The following FCHO2 variants were observed in gnomAD, a reference collection of about 807,000 sequenced individuals.
The protein encoded by FCHO2 is FCH and mu domain containing endocytic adaptor 2.
A neutral mutation model predicts 114.1 loss-of-function variants in FCHO2; 43 were observed. The ratio of observed to expected loss-of-function variants is 0.38; its 90% CI spans 0.30 to 0.49. FCHO2 has a LOEUF of 0.49. Ranked by LOEUF, FCHO2 falls within the 20% of genes least tolerant of loss-of-function variation. The pLI is 0.97. For missense variants in FCHO2, 807 were observed against 950.4 expected, an observed-to-expected ratio of 0.85 and a Z score of 1.98; for synonymous variants, 293 against 315.2, an observed-to-expected ratio of 0.93 and a Z score of 0.75.
At chr5:73,043,202 G>T (rs553252221) in intron 11 of FCHO2, among the ~76,000 whole-genome samples, 2 of 152,136 alleles carry the variant, frequency 1.3e-5, no homozygotes, top group African/African-American at 4.8e-5. Context: ...AGAGTGCTGG[G>T]ATTACAGGTG....
chr5:73,017,280 G>C lies in FCHO2; in HGVS notation c.768G>C (p.Glu256Asp). 1.3e-6 allele frequency: 2 copies of C among 1,565,918 alleles called. No individual in the cohort carries two copies. The highest frequency in any genetic ancestry group is 2.4e-5 in the South Asian group (2 of 84,236). Residue 256 changes from glutamate (E) to aspartate (D), a missense_variant, in exon 8 of 26, where the codon GAG becomes GAC. Glu to Asp is a conservative substitution (Grantham distance 45). Coordinates refer to ENST00000430046, the MANE Select transcript of FCHO2 (RefSeq NM_138782.3). ...AAAGTTTGATACAAAAATTTGCTGA[G>C]TCAAAAGGCACTGGGAAGGAAAGAC... ...TVESLIQKFA[E>D]SKGTGKERPG... is the part of the protein sequence containing the mutation.
At chr5:73,037,320 GTA>G (rs2112800299) in intron 10 of FCHO2, 105 bp downstream of exon 10, 2 of 733,622 alleles carry the variant, frequency 2.7e-6, no homozygotes, top group South Asian at 2.4e-5. Flanking sequence ...TAACTCAAAA[GTA>G]TATGTGTAAG....
chr5:73,021,031 C>T, intron 8 of FCHO2: 2 of 1,193,184 alleles, frequency 1.7e-6, no homozygotes, highest in South Asian at 1.2e-5. Context: ...AGCCAAAGTT[C>T]ACATGAATCC....
intron 19 of FCHO2, among the ~76,000 whole-genome samples, chr5:73,073,356 C>G (rs895949134): frequency 1.2e-4 from 18 of 152,080 alleles, no homozygotes; most frequent in South Asian, 1.0e-3. Flanking sequence ...TCTTTCATAC[C>G]CTAATCTGGA....
In FCHO2 at chr5:73,010,297, T is replaced by G. The variant is rs145916541; in HGVS notation, c.600+3748T>G. On this transcript the variant is annotated intron_variant, in intron 6 of 25. Transcript: ENST00000430046. ...AAATTTAGGTTTAGGATAAAAATGA[T>G]TGAAATTGTGACTTTTTATGCTCAT... Among the ~76,000 whole-genome samples, 542 of 152,302 alleles carry G rather than the reference T, an allele frequency of 3.6e-3. 5 individuals are homozygous for G. The highest frequency in any genetic ancestry group is 0.013 in the African/African-American group (527 of 41,562).
chr5:73,062,660 C>T (rs540562896), intron 17 of FCHO2, among the ~76,000 whole-genome samples: 5 of 151,980 alleles, frequency 3.3e-5, no homozygotes, highest in Non-Finnish European at 4.4e-5. Context: ...ACCTGAACAG[C>T]GTTTGCATCT....
intron 5 of FCHO2, among the ~76,000 whole-genome samples, chr5:73,002,238 C>G (rs1754485468): frequency 6.6e-6 from 1 of 152,112 alleles, no homozygotes; most frequent in Admixed American, 6.5e-5. Flanking sequence ...CCTCTTGACT[C>G]AGTAGAGATT....
At chr5:73,040,345 A>C (rs1756746573) in intron 10 of FCHO2, among the ~76,000 whole-genome samples, 1 of 152,160 alleles carries the variant, frequency 6.6e-6, no homozygotes, top group African/African-American at 2.4e-5. Flanking sequence ...AGTGTTCAAA[A>C]ACTCTCAGAT....
At chr5:73,005,639 G>T (rs1754677500) in intron 5 of FCHO2, among the ~76,000 whole-genome samples, 1 of 152,026 alleles carries the variant, frequency 6.6e-6, no homozygotes, top group South Asian at 2.1e-4. Context: ...CAAGCTTCTT[G>T]ATAGCTGTGT....
chr5:73,022,127 A>G (rs1318619666), intron 8 of FCHO2, among the ~76,000 whole-genome samples: 2 of 151,560 alleles, frequency 1.3e-5, no homozygotes, highest in Non-Finnish European at 2.9e-5. Flanking sequence ...AAGTGTAGAT[A>G]TGTTGACATA....
chr5:72,968,031 TCTC>T (rs1335842575), intron 1 of FCHO2, among the ~76,000 whole-genome samples: 5 of 151,616 alleles, frequency 3.3e-5, no homozygotes, highest in African/African-American at 9.7e-5. Flanking sequence ...TTCACGCCGT[TCTC>T]CTGCCTCGGC....
intron 8 of FCHO2, among the ~76,000 whole-genome samples, chr5:73,017,522 C>A (rs534062252): frequency 1.5e-4 from 23 of 152,112 alleles, no homozygotes; most frequent in Non-Finnish European, 7.4e-5. Context: ...ATTTTTATGT[C>A]TGATGATACA....
At chr5:72,980,711 C>G (rs115570718) in intron 2 of FCHO2, among the ~76,000 whole-genome samples, 11 of 152,094 alleles carry the variant, frequency 7.2e-5, no homozygotes, top group Non-Finnish European at 1.5e-4. Flanking sequence ...TGGCCTTTGT[C>G]TCTTTTGATC....
At chr5:72,989,658 A>G (rs972780845) in intron 3 of FCHO2, among the ~76,000 whole-genome samples, 157 bp downstream of exon 3, 1 of 152,220 alleles carries the variant, frequency 6.6e-6, no homozygotes, top group Non-Finnish European at 1.5e-5. Context: ...TTGATAGAAA[A>G]TATAATTGAA....
intron 18 of FCHO2, among the ~76,000 whole-genome samples, chr5:73,064,762 T>G (rs888544569): frequency 6.6e-6 from 1 of 151,996 alleles, no homozygotes; most frequent in Non-Finnish European, 1.5e-5. Flanking sequence ...AAACACATCA[T>G]GGTCTTTTAC....
chr5:73,013,483 T>C (rs779656251), intron 6 of FCHO2, among the ~76,000 whole-genome samples: 11 of 152,192 alleles, frequency 7.2e-5, no homozygotes, highest in Non-Finnish European at 1.6e-4. Flanking sequence ...AAATGACAAA[T>C]GTATTTTGTT....
chr5:73,021,970 C>T (rs1425019379), intron 8 of FCHO2, among the ~76,000 whole-genome samples: 1 of 152,118 alleles, frequency 6.6e-6, no homozygotes, highest in Non-Finnish European at 1.5e-5. Context: ...TACTATTATT[C>T]TCATTTTACA....
At chr5:72,972,415 C>A (rs897586883) in intron 2 of FCHO2, among the ~76,000 whole-genome samples, 29 of 152,034 alleles carry the variant, frequency 1.9e-4, no homozygotes, top group Non-Finnish European at 3.2e-4. Flanking sequence ...GAGGTCCTTC[C>A]CATCCCTTGT....
At chr5:73,067,137 G>T (rs1001263108) in intron 18 of FCHO2, among the ~76,000 whole-genome samples, 1 of 151,878 alleles carries the variant, frequency 6.6e-6, no homozygotes, top group African/African-American at 2.4e-5. Flanking sequence ...CACATTTCAC[G>T]TGCTATTGGC....
Sources: allele counts gnomAD v4.1 joint callset (sites outside exome capture counted in the v4.1 genomes callset), GRCh38; gene constraint gnomAD v4.1.1; transcripts MANE v1.5; gene names NCBI Gene and HGNC (gene_info 2026-07-23, HGNC 2026-07-21).